The following AGTPBP1 variants were observed in gnomAD, a reference collection of about 807,000 sequenced individuals.
AGTPBP1 encodes the protein ATP/GTP binding carboxypeptidase 1, also known as cytosolic carboxypeptidase 1.
Under a neutral mutation model 143.9 loss-of-function variants are expected in AGTPBP1, and 70 were observed. That is an observed-to-expected ratio of 0.49 (90% confidence interval 0.40 to 0.59). The LOEUF is 0.59. AGTPBP1 is among the 20% of genes least tolerant of loss of function. The pLI, the probability that AGTPBP1 is intolerant of heterozygous loss-of-function variation, is 0.00. For missense variants in AGTPBP1, 1,229 were observed against 1,464.5 expected (o/e 0.84, Z 2.62); for synonymous variants, 463 against 500.2 (o/e 0.93, Z 0.99).
the AGTPBP1 span, among the ~76,000 whole-genome samples, chr9:85,773,031 T>C: frequency 3.3e-5 from 5 of 151,946 alleles, no homozygotes; most frequent in South Asian, 1.0e-3. Flanking sequence ...TTTGGGAGGC[T>C]GAGGTGGGCA....
chr9:85,574,810 G>C (rs1326347369), intron 25 of AGTPBP1, among the ~76,000 whole-genome samples: 1 of 151,794 alleles, frequency 6.6e-6, no homozygotes, highest in Non-Finnish European at 1.5e-5. Flanking sequence ...CCAGGTTCAA[G>C]TGATTCTCCT....
chr9:85,638,607 C>T (rs1832242094), intron 13 of AGTPBP1, among the ~76,000 whole-genome samples: 1 of 151,812 alleles, frequency 6.6e-6, no homozygotes, highest in African/African-American at 2.4e-5. Flanking sequence ...AAAAAATACA[C>T]ATCGAAGGAT....
Position 85,642,881 on chromosome 9 carries a change from T to G in AGTPBP1, c.1248A>C (p.Ile416=). 6.2e-7 allele frequency: 1 copy of G among 1,613,666 alleles called. No individual in the cohort carries two copies. The highest frequency in any genetic ancestry group is 8.5e-7 in the Non-Finnish European group (1 of 1,179,866). Residue 416 remains isoleucine, a synonymous_variant, in exon 13 of 26, where the codon ATA becomes ATC. Transcript: ENST00000357081. The part of the protein sequence containing the change: ...LKPQQEPGRT[I]EDLKMYEHLF... ...GGTGTTCATACATTTTTAGATCTTC[T>G]ATTGTTCGTCCCGGTTCTTGCTGGG...
At chr9:85,754,754 G>A in the AGTPBP1 span, among the ~76,000 whole-genome samples, 1 of 151,944 alleles carries the variant, frequency 6.6e-6, no homozygotes, top group Non-Finnish European at 1.5e-5. Flanking sequence ...CATTTTCTTA[G>A]TGACGTTTAA....
chr9:85,672,684 GT>G lies in AGTPBP1; in HGVS notation c.437-4del. The G allele has an allele frequency of 3.7e-6, 5 of 1,341,982 alleles. No individual in the cohort carries two copies. Among genetic ancestry groups the G allele is most frequent in the Non-Finnish European group, 3.9e-6 (4 of 1,013,038 alleles). The allele number at this position is 1,341,982 out of a possible 1,614,324, so 83.1% of individuals were successfully genotyped here. A position where few individuals can be genotyped will look rare whatever the true frequency, so the allele number is the denominator to read the frequency against. Reference sequence around the variant, plus strand: ...AGCCTTTACTCCAAATTTTTTATCTGTTTAAAAAAAAAAAAGACAATTTATG... The same window carrying G: ...AGCCTTTACTCCAAATTTTTTATCTGTTAAAAAAAAAAAAGACAATTTATG... On this transcript the variant is annotated splice_polypyrimidine_tract_variant and splice_region_variant and intron_variant, in intron 6 of 25. Coordinates refer to ENST00000357081, the MANE Select transcript of AGTPBP1 (RefSeq NM_001330701.2).
chr9:85,770,061 T>TTGTGTGTGTGTGTGTG, the AGTPBP1 span, among the ~76,000 whole-genome samples: 815 of 148,368 alleles, frequency 5.5e-3, 10 homozygotes, highest in African/African-American at 0.019. Flanking sequence ...TGTTAATCTG[T>TTGTGTGTGTGTGTGTG]TGTGTGTGTG....
intron 3 of AGTPBP1, among the ~76,000 whole-genome samples, chr9:85,686,359 A>G (rs1022588448): frequency 1.3e-5 from 2 of 152,126 alleles, no homozygotes; most frequent in South Asian, 2.1e-4. Context: ...TGCCAGAGAT[A>G]AAGAGAAACT....
the AGTPBP1 span, chr9:85,773,854 A>G: frequency 3.1e-6 from 5 of 1,606,530 alleles, no homozygotes; most frequent in African/African-American, 6.7e-5. Flanking sequence ...AATTTGCGAG[A>G]AGCTGAACGG....
At chr9:85,646,747 T>C (rs1832834035) in intron 11 of AGTPBP1, among the ~76,000 whole-genome samples, 1 of 152,118 alleles carries the variant, frequency 6.6e-6, no homozygotes. Flanking sequence ...TTCATCCCTT[T>C]ATAATTGACC....
At chr9:85,628,543 G>A (rs1221894777) in intron 14 of AGTPBP1, among the ~76,000 whole-genome samples, 3 of 152,158 alleles carry the variant, frequency 2.0e-5, no homozygotes, top group South Asian at 4.1e-4. Flanking sequence ...CATCAAGGTC[G>A]TGAAAATCAA....
At chr9:85,601,403 T>C (rs947763740) in intron 17 of AGTPBP1, among the ~76,000 whole-genome samples, 1 of 152,100 alleles carries the variant, frequency 6.6e-6, no homozygotes, top group Non-Finnish European at 1.5e-5. Flanking sequence ...TACCAGAGCA[T>C]ACCTGGGAGC....
chr9:85,804,042 CT>C, the AGTPBP1 span, among the ~76,000 whole-genome samples: 416 of 152,186 alleles, frequency 2.7e-3, 2 homozygotes, highest in African/African-American at 7.0e-3. Context: ...TCATCATTAC[CT>C]TTTACCTGGC....
chr9:85,653,227 G>A (rs1230878868), intron 11 of AGTPBP1, among the ~76,000 whole-genome samples: 2 of 149,740 alleles, frequency 1.3e-5, no homozygotes, highest in African/African-American at 2.5e-5. Flanking sequence ...AAACATGGGG[G>A]GAGGAAGGAG....
chr9:85,637,039 A>T (rs1174431458), intron 13 of AGTPBP1, among the ~76,000 whole-genome samples: 1 of 142,214 alleles, frequency 7.0e-6, no homozygotes, highest in Non-Finnish European at 1.6e-5. Context: ...CTCCCCAAAA[A>T]GTTTTTTTTT....
rs143168308 is a variant in AGTPBP1 at position 85,713,792 on chromosome 9, C to T, written c.-33-1226G>A. Among the ~76,000 whole-genome samples, 403 of 152,074 alleles carry T rather than the reference C, an allele frequency of 2.7e-3. 2 individuals carry two copies. Among genetic ancestry groups the T allele is most frequent in the African/African-American group, 6.9e-3 (284 of 41,454 alleles). On this transcript the variant is annotated intron_variant, in intron 1 of 25. Coordinates refer to ENST00000357081, the MANE Select transcript of AGTPBP1 (RefSeq NM_001330701.2). ...AAAAGGAAATATTTAGAATTGTGTACAAAAATTACATGAATTGTTTTTAAA... is the reference window on the plus strand; with the variant it reads ...AAAAGGAAATATTTAGAATTGTGTATAAAAATTACATGAATTGTTTTTAAA...
At chr9:85,647,599 T>C (rs1331811925) in intron 11 of AGTPBP1, among the ~76,000 whole-genome samples, 1 of 152,156 alleles carries the variant, frequency 6.6e-6, no homozygotes, top group Non-Finnish European at 1.5e-5. Flanking sequence ...CAAAATGCTA[T>C]GGGAAAACGA....
At position 85,625,047 on chromosome 9, in the gene AGTPBP1, G is replaced by T. The variant is rs370529597; in HGVS notation, c.2016-3762C>A. Among the ~76,000 whole-genome samples the T allele has an allele frequency of 7.2e-5, 11 of 152,194 alleles. No individual in the cohort carries two copies. The South Asian group carries it at 2.3e-3, about 31-fold the overall frequency. ...TAGTCCTTGACAAATAGGCACTTGA[G>T]TTGTATCCAATCTCAAAACAATACT... On this transcript the variant is annotated intron_variant, in intron 14 of 25. Transcript: ENST00000357081.
chr9:85,797,691 T>C, the AGTPBP1 span, among the ~76,000 whole-genome samples: 1 of 151,694 alleles, frequency 6.6e-6, no homozygotes, highest in African/African-American at 2.4e-5. Context: ...GGGCCACACA[T>C]AAAATACACT....
intron 3 of AGTPBP1, among the ~76,000 whole-genome samples, chr9:85,686,667 C>T (rs1835505733): frequency 6.6e-6 from 1 of 152,016 alleles, no homozygotes; most frequent in Non-Finnish European, 1.5e-5. Flanking sequence ...ATAAACATAA[C>T]ATGTAAATCA....
Sources: gnomAD v4.1 joint callset for allele counts (sites outside exome capture counted in the v4.1 genomes callset) on GRCh38, gnomAD v4.1.1 for gene constraint, MANE v1.5 for transcripts, NCBI Gene and HGNC (gene_info 2026-07-23, HGNC 2026-07-21) for gene names.